MRPS27: variants seen among roughly 807,000 people sequenced by gnomAD.
MRPS27 encodes the protein small ribosomal subunit protein mS27.
In MRPS27, 43 loss-of-function variants were observed where a neutral mutation model predicts 48.9. That is an observed-to-expected ratio of 0.88 (90% confidence interval 0.69 to 1.13). The LOEUF (loss-of-function observed/expected upper bound fraction) is 1.13, where lower values mean the gene tolerates loss of function less well. Ranked by LOEUF, MRPS27 falls within the 50% of genes most tolerant of loss-of-function variation. The pLI is 0.00. For missense variants in MRPS27, 467 were observed against 476.3 expected, an observed-to-expected ratio of 0.98 and a Z score of 0.18; for synonymous variants, 188 against 171.9, an observed-to-expected ratio of 1.09 and a Z score of -0.73.
At chr5:72,242,619 G>A (rs1748385738) in intron 4 of MRPS27, among the ~76,000 whole-genome samples, 1 of 149,546 alleles carries the variant, frequency 6.7e-6, no homozygotes, top group African/African-American at 2.5e-5. Context: ...GATGTCTTGA[G>A]GCCAGGAGTT....
At chr5:72,244,679 A>AT (rs200839484) in intron 4 of MRPS27, among the ~76,000 whole-genome samples, 36 of 139,690 alleles carry the variant, frequency 2.6e-4, no homozygotes, top group East Asian at 7.8e-4. Context: ...TTTAATTCCA[A>AT]TTTTTTTTTG....
chr5:72,274,998 T>C (rs1161330911), intron 4 of MRPS27, among the ~76,000 whole-genome samples: 1 of 152,126 alleles, frequency 6.6e-6, no homozygotes, highest in Non-Finnish European at 1.5e-5. Flanking sequence ...TTACCACTCC[T>C]ATTCAACACA....
At chr5:72,302,256 G>C (rs1750145689) in intron 2 of MRPS27, among the ~76,000 whole-genome samples, 2 of 152,226 alleles carry the variant, frequency 1.3e-5, no homozygotes, top group Non-Finnish European at 2.9e-5. Context: ...CCCAGTAAGA[G>C]TGCAATGGCC....
Position 72,295,559 on chromosome 5 carries a change from T to C in MRPS27, c.253A>G (p.Ile85Val), listed in dbSNP as rs556255003. ...LIDNISSREE[I>V]DHAEYYLYKF... The stretch of plus-strand genomic sequence containing the variant: ...TAAAGGTAATACTCTGCATGATCTA[T>C]CTCTTCCCGAGAGGAAATGTTGTCT... The change falls in exon 4 of 11, where the codon ATA (isoleucine) becomes GTA (valine). Residue 85 changes from isoleucine (I) to valine (V), a missense_variant. By Grantham distance (29) the Ile-to-Val change is conservative (BLOSUM62 3). Coordinates refer to ENST00000261413, the MANE Select transcript of MRPS27 (RefSeq NM_015084.3). 1.5e-5 allele frequency: 24 copies of C among 1,611,164 alleles called. No individual in the cohort carries two copies. The East Asian group carries it at 4.9e-4, about 33-fold the overall frequency.
chr5:72,286,516 C>A (rs1749677706), intron 4 of MRPS27, among the ~76,000 whole-genome samples: 1 of 152,076 alleles, frequency 6.6e-6, no homozygotes, highest in Non-Finnish European at 1.5e-5. Flanking sequence ...GGTGCTGACA[C>A]AATTAGGCAT....
intron 4 of MRPS27, among the ~76,000 whole-genome samples, chr5:72,275,944 GAT>G (rs1743467590): frequency 6.6e-6 from 1 of 151,946 alleles, no homozygotes; most frequent in Admixed American, 6.6e-5. Context: ...AGCTGGTACT[GAT>G]AACGCTTGGT....
At chr5:72,273,525 C>CTA (rs1205584114) in intron 4 of MRPS27, among the ~76,000 whole-genome samples, 7 of 152,210 alleles carry the variant, frequency 4.6e-5, no homozygotes, top group Admixed American at 1.3e-4. Context: ...AGGCCATACG[C>CTA]TATAGCCTGT....
At chr5:72,232,650 G>A in intron 6 of MRPS27, 92 bp from the exon 7 acceptor site, 3 of 869,986 alleles carry the variant, frequency 3.4e-6, no homozygotes, top group South Asian at 3.4e-5. Context: ...TAAAACGTGG[G>A]GCATGGTTTA....
intron 4 of MRPS27, among the ~76,000 whole-genome samples, chr5:72,269,370 G>A (rs1048876482): frequency 2.6e-5 from 4 of 152,152 alleles, no homozygotes; most frequent in African/African-American, 9.7e-5. Context: ...AAGGGAGGAG[G>A]AAATGTATAT....
intron 4 of MRPS27, among the ~76,000 whole-genome samples, chr5:72,283,499 A>G (rs1052547652): frequency 3.3e-5 from 5 of 152,068 alleles, no homozygotes; most frequent in African/African-American, 1.2e-4. Context: ...GCTCCAAGGG[A>G]CTCACTTAGT....
chr5:72,260,545 A>G (rs146710389), intron 4 of MRPS27, among the ~76,000 whole-genome samples: 247 of 152,328 alleles, frequency 1.6e-3, no homozygotes, highest in Admixed American at 5.6e-3. Context: ...TAACATAGAA[A>G]AGTTTACTAC....
At chr5:72,273,219 T>C (rs1380462004) in intron 4 of MRPS27, among the ~76,000 whole-genome samples, 1 of 152,192 alleles carries the variant, frequency 6.6e-6, no homozygotes, top group Non-Finnish European at 1.5e-5. Flanking sequence ...AAGCCTATCC[T>C]TCTTGCCAAA....
chr5:72,307,587 C>T (rs1057288812), intron 2 of MRPS27, among the ~76,000 whole-genome samples: 24 of 151,936 alleles, frequency 1.6e-4, no homozygotes, highest in African/African-American at 5.8e-4. Flanking sequence ...AAAATAAAGA[C>T]TAAGAGCTGA....
In MRPS27 at chr5:72,295,835, G is replaced by A. The variant is rs567958044; in HGVS notation, c.223-246C>T. On this transcript the variant is annotated intron_variant, in intron 3 of 10. Coordinates refer to ENST00000261413, the MANE Select transcript of MRPS27 (RefSeq NM_015084.3). The stretch of plus-strand genomic sequence containing the variant: ...TGTAGAATAACCTTGATCAGAAAAC[G>A]GATTGAAAGCCAAACATGAACCTTG... 8.9e-4 allele frequency among the ~76,000 whole-genome samples: 136 copies of A among 152,226 alleles called. 1 individual carries two copies. The highest frequency in any genetic ancestry group is 7.7e-3 in the South Asian group (37 of 4,818).
At chr5:72,223,179 C>T (rs1747796625) in intron 10 of MRPS27, among the ~76,000 whole-genome samples, 1 of 152,308 alleles carries the variant, frequency 6.6e-6, no homozygotes, top group Middle Eastern at 3.4e-3. Context: ...AGAAACAATG[C>T]AAACTGTTTA....
intron 4 of MRPS27, among the ~76,000 whole-genome samples, chr5:72,249,529 A>G (rs1279820442): frequency 1.3e-5 from 2 of 151,642 alleles, no homozygotes; most frequent in African/African-American, 4.9e-5. Flanking sequence ...ACTAAAAAAT[A>G]CAAAAATTAG....
chr5:72,232,563 C>CA lies in MRPS27; in HGVS notation c.476-6dup, dbSNP rs143260881. 73,070 of 1,596,912 alleles carry CA rather than the reference C, an allele frequency of 0.046. 4,756 individuals are homozygous for CA. Among genetic ancestry groups the CA allele is most frequent in the African/African-American group, 0.31 (23,163 of 74,202 alleles). On this transcript the variant is annotated splice_region_variant and splice_polypyrimidine_tract_variant and intron_variant, in intron 6 of 10. Transcript: ENST00000261413. ...CAAAAACCACAGATAAAGCATCTAG[C>CA]AGAAGATGAAAGTAAAAAAGAGAGG...
chr5:72,241,550 G>T, intron 4 of MRPS27: 1 of 1,188,538 alleles, frequency 8.4e-7, no homozygotes, highest in Non-Finnish European at 1.2e-6. Context: ...AATTCCTGTT[G>T]GTGACTTTTT....
At chr5:72,301,192 G>A (rs569065084) in intron 2 of MRPS27, among the ~76,000 whole-genome samples, 14 of 152,184 alleles carry the variant, frequency 9.2e-5, no homozygotes, top group African/African-American at 2.4e-4. Flanking sequence ...GTACCTACTG[G>A]GGGAAAACAA....
Sources: allele counts gnomAD v4.1 joint callset (sites outside exome capture counted in the v4.1 genomes callset), GRCh38; gene constraint gnomAD v4.1.1; transcripts MANE v1.5; gene names NCBI Gene and HGNC (gene_info 2026-07-23, HGNC 2026-07-21).